FSTL5: variants seen among roughly 807,000 people sequenced by gnomAD.
The protein encoded by FSTL5 is follistatin like 5, also known as follistatin-related protein 5.
Under a neutral mutation model 89.1 loss-of-function variants are expected in FSTL5, and 62 were observed. The ratio of observed to expected loss-of-function variants is 0.70; its 90% CI spans 0.57 to 0.86. FSTL5 has a LOEUF of 0.86. Among genes scored for constraint, FSTL5 ranks in the 40% least tolerant of loss-of-function variants. The pLI, the probability that FSTL5 is intolerant of heterozygous loss-of-function variation, is 0.00. For synonymous variants in FSTL5, 383 were observed against 346.2 expected (o/e 1.11, Z -1.18); for missense variants, 1,057 against 1,001.6 (o/e 1.06, Z -0.75).
intron 6 of FSTL5, among the ~76,000 whole-genome samples, chr4:161,702,442 T>A (rs1294241004): frequency 2.6e-5 from 4 of 152,230 alleles, no homozygotes; most frequent in Admixed American, 2.6e-4. Flanking sequence ...AATGGCACAT[T>A]AATGGCCATT....
At chr4:161,959,589 T>C (rs1327148174) in intron 3 of FSTL5, among the ~76,000 whole-genome samples, 1 of 152,120 alleles carries the variant, frequency 6.6e-6, no homozygotes, top group Non-Finnish European at 1.5e-5. Context: ...TTTAAATTAA[T>C]ATATTTTAAT....
chr4:161,898,630 CT>C (rs773799106), intron 4 of FSTL5, among the ~76,000 whole-genome samples: 2,176 of 128,182 alleles, frequency 0.017, 30 homozygotes, highest in African/African-American at 0.056. Context: ...GTATTATATT[CT>C]TTTTTTTTTT....
chr4:161,584,693 G>T (rs1432421848), intron 8 of FSTL5, among the ~76,000 whole-genome samples: 1 of 152,122 alleles, frequency 6.6e-6, no homozygotes, highest in Non-Finnish European at 1.5e-5. Flanking sequence ...CTTGGCAAAA[G>T]CTGGTCTTGG....
intron 3 of FSTL5, among the ~76,000 whole-genome samples, chr4:161,962,719 T>C (rs1472768194): frequency 6.6e-6 from 1 of 152,004 alleles, no homozygotes; most frequent in Non-Finnish European, 1.5e-5. Context: ...ATGAATTAAG[T>C]ATAATTTTGC....
intron 8 of FSTL5, among the ~76,000 whole-genome samples, chr4:161,560,908 CAT>C (rs1001694531): frequency 6.6e-6 from 1 of 151,882 alleles, no homozygotes; most frequent in Non-Finnish European, 1.5e-5. Context: ...GCGTAGTAAA[CAT>C]ATAAGCCAGT....
At chr4:161,856,666 A>G (rs1333925820) in intron 4 of FSTL5, among the ~76,000 whole-genome samples, 3 of 150,512 alleles carry the variant, frequency 2.0e-5, no homozygotes, top group Non-Finnish European at 4.4e-5. Flanking sequence ...GTGTGTGTAT[A>G]TATATATATA....
rs72973167 is a variant in FSTL5, at chr4:161,425,827, A to T, written c.1841+29177T>A. 6.9e-3 allele frequency among the ~76,000 whole-genome samples: 1,057 copies of T among 152,278 alleles called. 10 individuals are homozygous for T. Among genetic ancestry groups the T allele is most frequent in the African/African-American group, 0.023 (975 of 41,558 alleles). On this transcript the variant is annotated intron_variant, in intron 15 of 15. Transcript: ENST00000306100. ...ACAGCTCACTTATTGAAGAGCTTGG[A>T]TTAGATCCTATGTTCCCAAATTCTG...
intron 4 of FSTL5, among the ~76,000 whole-genome samples, chr4:161,862,013 A>T (rs1579150173): frequency 6.6e-6 from 1 of 152,214 alleles, no homozygotes; most frequent in South Asian, 2.1e-4. Context: ...AGAAACTGTA[A>T]TATTGAGATC....
At chr4:161,870,655 C>T (rs1320396917) in intron 4 of FSTL5, among the ~76,000 whole-genome samples, 1 of 152,120 alleles carries the variant, frequency 6.6e-6, no homozygotes, top group Non-Finnish European at 1.5e-5. Context: ...ATATCACTTA[C>T]CTTTTCAGAG....
chr4:162,106,357 A>G (rs1731225941), intron 2 of FSTL5, among the ~76,000 whole-genome samples: 1 of 152,162 alleles, frequency 6.6e-6, no homozygotes, highest in Non-Finnish European at 1.5e-5. Flanking sequence ...CTGTCCTCAT[A>G]AGATCTTCCC....
chr4:161,463,745 T>G (rs1257348722), intron 13 of FSTL5, among the ~76,000 whole-genome samples: 1 of 152,216 alleles, frequency 6.6e-6, no homozygotes, highest in Non-Finnish European at 1.5e-5. Context: ...TGAACTTCTT[T>G]GTCACAAGTG....
intron 15 of FSTL5, among the ~76,000 whole-genome samples, chr4:161,448,312 C>G (rs1269482301): frequency 2.0e-5 from 3 of 152,116 alleles, no homozygotes; most frequent in Admixed American, 1.3e-4. Context: ...TGCCATGGAA[C>G]AGCAGGTATT....
intron 8 of FSTL5, among the ~76,000 whole-genome samples, chr4:161,559,346 T>G (rs867993247): frequency 6.6e-6 from 1 of 151,800 alleles, no homozygotes; most frequent in Non-Finnish European, 1.5e-5. Context: ...TCCTTGTTCT[T>G]TCTTCTCCTT....
rs144289638 is a variant in FSTL5, at chr4:161,615,344, T to C, written c.895-27769A>G. 4.0e-3 allele frequency among the ~76,000 whole-genome samples: 511 copies of C among 127,250 alleles called. 25 individuals carry two copies. The East Asian group carries it at 0.093, about 23-fold the overall frequency. 83.5% of individuals were successfully genotyped at this position (127,250 alleles called of 152,430 possible). On this transcript the variant is annotated intron_variant, in intron 7 of 15. Transcript: ENST00000306100. ...AGCTGGGCATGGTGGCAGGCGCCAG[T>C]AGTCCCAGCTACTTGGGAGGCTGAG...
intron 10 of FSTL5, among the ~76,000 whole-genome samples, chr4:161,534,245 G>A (rs1288260433): frequency 6.6e-6 from 1 of 152,068 alleles, no homozygotes; most frequent in African/African-American, 2.4e-5. Context: ...TCAGGCAAGA[G>A]AAAGAAATAA....
chr4:161,701,745 T>C (rs1241145577), intron 6 of FSTL5, among the ~76,000 whole-genome samples: 2 of 152,140 alleles, frequency 1.3e-5, no homozygotes, highest in Non-Finnish European at 2.9e-5. Context: ...GACTACTGAT[T>C]AGACTTAAAT....
At chr4:161,481,836 C>T (rs917517858) in intron 12 of FSTL5, among the ~76,000 whole-genome samples, 5 of 152,084 alleles carry the variant, frequency 3.3e-5, no homozygotes, top group African/African-American at 1.2e-4. Context: ...CCAAGAAAGC[C>T]CCTCTATTTC....
intron 10 of FSTL5, among the ~76,000 whole-genome samples, chr4:161,518,265 A>C (rs1730909188): frequency 1.3e-5 from 2 of 152,174 alleles, no homozygotes; most frequent in Admixed American, 1.3e-4. Context: ...TAATTTTGAA[A>C]AAGTGATGAG....
chr4:162,014,135 G>A (rs1736848766), intron 3 of FSTL5, among the ~76,000 whole-genome samples: 1 of 152,200 alleles, frequency 6.6e-6, no homozygotes, highest in African/African-American at 2.4e-5. Context: ...AGGCTCAGGA[G>A]ATACCACCAG....
Sources: allele counts gnomAD v4.1 joint callset (sites outside exome capture counted in the v4.1 genomes callset), GRCh38; gene constraint gnomAD v4.1.1; transcripts MANE v1.5; gene names NCBI Gene and HGNC (gene_info 2026-07-23, HGNC 2026-07-21).